Variants in BICRAL observed in about 807,000 individuals in gnomAD.
BICRAL encodes BICRA like chromatin remodeling complex associated protein.
BICRAL carries 8 observed loss-of-function variants against 91.8 expected under a neutral mutation model. That is an observed-to-expected ratio of 0.09 (90% CI 0.05 to 0.16). The LOEUF (loss-of-function observed/expected upper bound fraction) is 0.16. Among genes scored for constraint, BICRAL ranks in the 10% least tolerant of loss-of-function variants. BICRAL has a pLI of 1.00. For missense variants in BICRAL, 1,038 were observed against 1,310.9 expected, an observed-to-expected ratio of 0.79 and a Z score of 3.21; for synonymous variants, 445 against 491.1, an observed-to-expected ratio of 0.91 and a Z score of 1.24.
upstream of BICRAL, among the ~76,000 whole-genome samples, chr6:42,777,707 G>A (rs1000699450): frequency 1.5e-4 from 23 of 152,134 alleles, no homozygotes; most frequent in Admixed American, 1.1e-3. Flanking sequence ...ACTTTTCATT[G>A]TTATGTGGAC....
intron 2 of BICRAL, among the ~76,000 whole-genome samples, chr6:42,820,297 TA>T (rs990827821): frequency 2.6e-5 from 4 of 151,974 alleles, no homozygotes; most frequent in East Asian, 1.9e-4. Flanking sequence ...GACGGACACT[TA>T]AAAAAAATGA....
chr6:42,777,670 T>A (rs1762824820), upstream of BICRAL, among the ~76,000 whole-genome samples: 2 of 152,202 alleles, frequency 1.3e-5, no homozygotes, highest in African/African-American at 4.8e-5. Flanking sequence ...GGGGAACATT[T>A]GGAGGGAAAA....
intron 1 of BICRAL, among the ~76,000 whole-genome samples, chr6:42,747,273 C>T (rs1300716122): frequency 1.3e-5 from 2 of 152,190 alleles, no homozygotes; most frequent in Admixed American, 6.5e-5. Context: ...GCGGCAGCCT[C>T]GCATGCTTCG....
chr6:42,852,359 A>T (rs1295058342), intron 7 of BICRAL, 162 bp downstream of exon 7: 2 of 702,770 alleles, frequency 2.8e-6, no homozygotes, highest in South Asian at 3.0e-5. Flanking sequence ...ACTGTGTTGC[A>T]TCAACTCTAA....
At chr6:42,842,647 T>G (rs1170076262) in intron 6 of BICRAL, among the ~76,000 whole-genome samples, 3 of 152,098 alleles carry the variant, frequency 2.0e-5, no homozygotes, top group Admixed American at 6.6e-5. Context: ...CTAGAAAAAA[T>G]GAAGGTTTTT....
intron 1 of BICRAL, among the ~76,000 whole-genome samples, chr6:42,764,671 T>C (rs1719703313): frequency 6.6e-6 from 1 of 152,222 alleles, no homozygotes; most frequent in Non-Finnish European, 1.5e-5. Context: ...GTTTGTTTGT[T>C]TTTTTGAGAC....
rs1218871662 is a variant in BICRAL, at chr6:42,863,327, C to T, written c.2452+715C>T. Among the ~76,000 whole-genome samples the T allele has an allele frequency of 5.3e-5, 8 of 152,282 alleles. No homozygotes were observed. The East Asian group carries it at 1.2e-3, about 22-fold the overall frequency. On this transcript the variant is annotated intron_variant, in intron 12 of 12. Transcript: ENST00000314073. ...CCTCCCAAAGTGCTGGGATTACAGG[C>T]GTGAGCCACCGTGCCCAGCCACGGA...
chr6:42,801,696 A>G lies in BICRAL; in HGVS notation c.-101-8610A>G, dbSNP rs143782673. 4.5e-3 allele frequency among the ~76,000 whole-genome samples: 684 copies of G among 152,138 alleles called. 5 individuals carry two copies. The highest frequency in any genetic ancestry group is 0.016 in the African/African-American group (646 of 41,512). On this transcript the variant is annotated intron_variant, in intron 1 of 12. Transcript: ENST00000314073. ...CAGGAGTTCGATACCAGCCTGGCCAACATGGTAAAACCCTGTCTCTACTAA... is the reference window on the plus strand; with the variant it reads ...CAGGAGTTCGATACCAGCCTGGCCAGCATGGTAAAACCCTGTCTCTACTAA...
At chr6:42,860,407 C>A in intron 11 of BICRAL, 51 bp downstream of exon 11, 2 of 1,002,560 alleles carry the variant, frequency 2.0e-6, no homozygotes, top group Non-Finnish European at 3.1e-6. Context: ...CAGGTCACAG[C>A]CACTAAATCA....
intron 1 of BICRAL, among the ~76,000 whole-genome samples, chr6:42,807,332 C>T (rs1355497896): frequency 6.6e-6 from 1 of 151,006 alleles, no homozygotes; most frequent in Non-Finnish European, 1.5e-5. Context: ...TACAGGCGCC[C>T]GCCACCATGC....
At chr6:42,831,514 T>C (rs1027681434) in intron 6 of BICRAL, among the ~76,000 whole-genome samples, 7 of 152,230 alleles carry the variant, frequency 4.6e-5, no homozygotes, top group African/African-American at 1.2e-4. Flanking sequence ...CAAATGGTCA[T>C]GAGCTTTAGT....
chr6:42,756,856 G>A (rs1374811643), intron 1 of BICRAL, among the ~76,000 whole-genome samples: 2 of 150,636 alleles, frequency 1.3e-5, no homozygotes, highest in Non-Finnish European at 3.0e-5. Flanking sequence ...ACATGCTTGC[G>A]CTGTCTCTCG....
chr6:42,767,764 G>A (rs1453657580), intron 1 of BICRAL, among the ~76,000 whole-genome samples: 2 of 152,208 alleles, frequency 1.3e-5, no homozygotes, highest in Non-Finnish European at 2.9e-5. Flanking sequence ...TATCAAGGAG[G>A]AAGGAAGTTC....
At chr6:42,814,422 TATATATACAC>T in intron 2 of BICRAL, among the ~76,000 whole-genome samples, 1 of 144,556 alleles carries the variant, frequency 6.9e-6, no homozygotes, top group Non-Finnish European at 1.5e-5. Flanking sequence ...TATACATACA[TATATATACAC>T]ATACATGTAT....
At chr6:42,850,247 T>TAC (rs932440616) in intron 6 of BICRAL, among the ~76,000 whole-genome samples, 1 of 151,420 alleles carries the variant, frequency 6.6e-6, no homozygotes, top group African/African-American at 2.4e-5. Context: ...AGGCTGGGTG[T>TAC]AGTGGCTCAC....
At chr6:42,805,957 A>G (rs932740407) in intron 1 of BICRAL, among the ~76,000 whole-genome samples, 5 of 151,926 alleles carry the variant, frequency 3.3e-5, no homozygotes, top group African/African-American at 7.2e-5. Flanking sequence ...AGTCGAGATC[A>G]TGCCACTGCA....
chr6:42,835,668 C>T (rs1562486178), intron 6 of BICRAL, among the ~76,000 whole-genome samples: 1 of 152,172 alleles, frequency 6.6e-6, no homozygotes, highest in Non-Finnish European at 1.5e-5. Flanking sequence ...TGCGGTGTCT[C>T]ATGCCTGTAA....
rs781698138 is a variant in BICRAL at position 42,865,488 on chromosome 6, C to T, written c.*42C>T. 8 of 1,121,318 alleles carry T rather than the reference C, an allele frequency of 7.1e-6. No homozygotes were observed. The highest frequency in any genetic ancestry group is 7.0e-5 in the South Asian group (5 of 71,614). 69.5% of individuals were successfully genotyped at this position (1,121,318 alleles called of 1,614,324 possible). ...CCTACCCCGCCCCGAGACCCCACCC[C>T]GAGACCCCACCCCGGACCAGTTACA... On this transcript the variant is annotated 3_prime_UTR_variant, in exon 13 of 13. Transcript: ENST00000314073.
chr6:42,808,036 T>G (rs1292869578), intron 1 of BICRAL, among the ~76,000 whole-genome samples: 1 of 152,110 alleles, frequency 6.6e-6, no homozygotes, highest in African/African-American at 2.4e-5. Flanking sequence ...CCTGGGTATT[T>G]TTTCAATATT....
Sources: allele counts gnomAD v4.1 joint callset (sites outside exome capture counted in the v4.1 genomes callset), GRCh38; gene constraint gnomAD v4.1.1; transcripts MANE v1.5; gene names NCBI Gene and HGNC (gene_info 2026-07-23, HGNC 2026-07-21).